REPIN1: variants seen among roughly 807,000 people sequenced by gnomAD.
REPIN1 encodes the protein DNA-binding protein REPIN1.
In REPIN1, 4 loss-of-function variants were observed where a neutral mutation model predicts 5.7. That is an observed-to-expected ratio of 0.71 (90% confidence interval 0.35 to 1.62). The LOEUF is 1.62. REPIN1 is among the 40% of genes most tolerant of loss of function. The probability of loss-of-function intolerance (pLI) is 0.05; values close to 1 mark genes in which losing one functional copy is unlikely to be tolerated. For synonymous variants in REPIN1, 410 were observed against 386.2 expected (o/e 1.06, Z -0.72); for missense variants, 854 against 901.0 (o/e 0.95, Z 0.67).
chr7:150,370,962 T>G (rs1223663724), intron 2 of REPIN1: 4 of 656,046 alleles, frequency 6.1e-6, no homozygotes, highest in African/African-American at 5.3e-5. Flanking sequence ...GTAGCTGCCA[T>G]GAGGGGGATT....
In REPIN1 at chr7:150,372,488, C is replaced by G. The variant is rs766887474; in HGVS notation, c.1418C>G (p.Thr473Arg). 1 of 1,546,240 alleles carries G rather than the reference C, an allele frequency of 6.5e-7. No homozygotes were observed. Reference sequence around the variant, plus strand: ...TGCGGGAAGAACTTCGGCAAGAAGACGCACCTGGTGGCGCACTCGCGCGTG... The same window carrying G: ...TGCGGGAAGAACTTCGGCAAGAAGAGGCACCTGGTGGCGCACTCGCGCGTG... Reference protein sequence around the residue: ...AECGKNFGKKTHLVAHSRVHS... With the variant: ...AECGKNFGKKRHLVAHSRVHS... Residue 473 changes from threonine (T) to arginine (R), a missense_variant, in exon 3 of 3, where the codon ACG becomes AGG. By Grantham distance (71) the Thr-to-Arg change is moderately conservative. Around this residue, in one of 5 missense-constraint regions of REPIN1, gnomAD observed 327 missense variants for 307.8 expected, o/e 1.06. Coordinates refer to ENST00000489432, the MANE Select transcript of REPIN1 (RefSeq NM_001099695.2).
At position 150,372,355 on chromosome 7, in the gene REPIN1, C is replaced by T. The variant is rs767739264; in HGVS notation, c.1285C>T (p.Pro429Ser). The change falls in exon 3 of 3, where the codon CCC (proline) becomes TCC (serine). Residue 429 changes from proline to serine, a missense_variant. By Grantham distance (74) the Pro-to-Ser change is moderately conservative. Coordinates refer to ENST00000489432, the MANE Select transcript of REPIN1 (RefSeq NM_001099695.2). ...EHPQDPIEAP[P>S]SLYSCDDCGR... Reference sequence around the variant, plus strand: ...CCCGCAGGACCCGATCGAAGCCCCCCCCTCCCTCTACAGCTGCGACGACTG... The same window carrying T: ...CCCGCAGGACCCGATCGAAGCCCCCTCCTCCCTCTACAGCTGCGACGACTG... 1.3e-6 allele frequency: 2 copies of T among 1,506,286 alleles called. No individual in the cohort carries two copies. Among genetic ancestry groups the T allele is most frequent in the Non-Finnish European group, 8.8e-7 (1 of 1,135,262 alleles). The allele number at this position is 1,506,286 out of a possible 1,614,324, so 93.3% of individuals were successfully genotyped here.
rs1241577462 is a variant in REPIN1, at chr7:150,372,802, G to T, written c.1732G>T (p.Asp578Tyr). 6 of 1,612,090 alleles carry T rather than the reference G, an allele frequency of 3.7e-6. No individual in the cohort carries two copies. The highest frequency in any genetic ancestry group is 5.1e-6 in the Non-Finnish European group (6 of 1,179,988). The stretch of plus-strand genomic sequence containing the variant: ...GCGGCCCTACGCCTGTCCCGACTGC[G>T]ACCGCAGCTTCAGCCAGAAGTCCAA... ...GERPYACPDC[D>Y]RSFSQKSNLI... The change falls in exon 3 of 3, where the codon GAC becomes TAC. Residue 578 changes from aspartate (D) to tyrosine (Y), a missense_variant. Around this residue, in one of 5 missense-constraint regions of REPIN1, gnomAD observed 101 missense variants for 124.7 expected, o/e 0.81. Coordinates refer to ENST00000489432, the MANE Select transcript of REPIN1 (RefSeq NM_001099695.2).
chr7:150,368,641 C>T (rs1799075651), upstream of REPIN1: 1 of 188,910 alleles, frequency 5.3e-6, no homozygotes, highest in Non-Finnish European at 1.1e-5. Flanking sequence ...GCCTGCCGCC[C>T]TGGCGCGGCA....
At chr7:150,370,263 C>T (rs894583371) in intron 2 of REPIN1, 2 of 247,804 alleles carry the variant, frequency 8.1e-6, no homozygotes, top group East Asian at 9.7e-5. Flanking sequence ...CCTTCTATTG[C>T]CCCAGTAATC....
At position 150,372,085 on chromosome 7, in the gene REPIN1, C is replaced by T. The variant is rs1799850101; in HGVS notation, c.1015C>T (p.His339Tyr). The T allele has an allele frequency of 1.9e-6, 3 of 1,612,288 alleles. No individual in the cohort carries two copies. Among genetic ancestry groups the T allele is most frequent in the African/African-American group, 1.3e-5 (1 of 74,884 alleles). ...TACCAATAAGCCCTATCTGACTTCG[C>T]ACCGGCGCATCCACACCGGCGAGAA... ...RFTNKPYLTS[H>Y]RRIHTGEKPY... Residue 339 changes from histidine to tyrosine, a missense_variant, in exon 3 of 3, where the codon CAC becomes TAC. By Grantham distance (83) the His-to-Tyr change is moderately conservative. This residue lies in a region of REPIN1 where 327 missense variants were observed against 307.8 expected (regional missense o/e 1.06). Coordinates refer to ENST00000489432, the MANE Select transcript of REPIN1 (RefSeq NM_001099695.2).
chr7:150,370,624 G>A (rs1028848697), intron 2 of REPIN1: 5 of 650,966 alleles, frequency 7.7e-6, no homozygotes, highest in South Asian at 3.4e-5. Flanking sequence ...AAACCCAGGC[G>A]CTTTAGAGGA....
intron 1 of REPIN1, chr7:150,369,431 T>C: frequency 2.0e-6 from 1 of 497,636 alleles, no homozygotes; most frequent in Admixed American, 3.2e-5. Flanking sequence ...GAGAATTCGT[T>C]CCGTGACCTT....
Position 150,372,007 on chromosome 7 carries a change from CG to C in REPIN1, c.938del (p.Arg313ProfsTer24). ...RHKPNLIAHR[R>X]VHTGERPHQC... is the part of the protein sequence containing the mutation. ...CAAGCCCAACTTGATCGCTCACCGC[CG>C]CGTGCACACGGGCGAGCGGCCCCAC... On this transcript the variant is annotated frameshift_variant, in exon 3 of 3. Transcript: ENST00000489432. LOFTEE classifies it low-confidence loss of function (END_TRUNC). 1 of 1,611,862 alleles carries C rather than the reference CG, an allele frequency of 6.2e-7. No individual in the cohort carries two copies. The highest frequency in any genetic ancestry group is 8.5e-7 in the Non-Finnish European group (1 of 1,179,672).
Position 150,371,424 on chromosome 7 carries a change from C to T in REPIN1, c.354C>T (p.His118=), listed in dbSNP as rs1334040757. Residue 118 remains histidine, a synonymous_variant, in exon 3 of 3, where the codon CAC becomes CAT. Transcript: ENST00000489432. ...QAPGRAHRCA[H]CRRHFPGWVA... ...CAGGCAGGGCCCATCGCTGTGCCCA[C>T]TGTCGAAGGCACTTCCCTGGCTGGG... 2.5e-6 allele frequency: 4 copies of T among 1,602,546 alleles called. No homozygotes were observed. In the African/African-American group the frequency reaches 5.3e-5, roughly 21 times the overall value.
rs1800045062 is a variant in REPIN1 at position 150,373,021 on chromosome 7, C to T, written c.*76C>T. 6.5e-7 allele frequency: 1 copy of T among 1,544,504 alleles called. No homozygotes were observed. The highest frequency in any genetic ancestry group is 1.4e-5 in the African/African-American group (1 of 72,974). ...TGGGAGTCGCAGTGGGCTGGGGGTG[C>T]CTGCCTAGTGCTGGAGTAGGGGACA... On this transcript the variant is annotated 3_prime_UTR_variant, in exon 3 of 3. Transcript: ENST00000489432.
chr7:150,370,281 C>T (rs528242672), intron 2 of REPIN1: 3 of 247,492 alleles, frequency 1.2e-5, no homozygotes, highest in South Asian at 1.1e-4. Context: ...ATCTCCAGCA[C>T]CCCGAGGGAG....
Position 150,372,189 on chromosome 7 carries a change from A to G in REPIN1, c.1119A>G (p.Arg373=). Residue 373 remains arginine (R), a synonymous_variant, in exon 3 of 3, where the codon CGA becomes CGG. Coordinates refer to ENST00000489432, the MANE Select transcript of REPIN1 (RefSeq NM_001099695.2). ...TGTCTCACAGCAAGATTCACAAGCGATCCGAGGGGTCGGCCCAGGCCGCCC... is the reference window on the plus strand; with the variant it reads ...TGTCTCACAGCAAGATTCACAAGCGGTCCGAGGGGTCGGCCCAGGCCGCCC... ...NLLSHSKIHK[R]SEGSAQAAPG... is the part of the protein sequence containing the mutation. The G allele has an allele frequency of 6.2e-7, 1 of 1,603,252 alleles. No individual in the cohort carries two copies. Among genetic ancestry groups the G allele is most frequent in the Non-Finnish European group, 8.5e-7 (1 of 1,177,278 alleles).
chr7:150,369,003 G>C (rs1248207991), intron 1 of REPIN1, 62 bp downstream of exon 1: 2 of 380,486 alleles, frequency 5.3e-6, no homozygotes, highest in East Asian at 3.8e-5. Flanking sequence ...CCACCTGCGG[G>C]GCGCGTGACC....
In REPIN1 at chr7:150,371,519, G is replaced by A. The variant is rs374153097; in HGVS notation, c.449G>A (p.Arg150His). The A allele has an allele frequency of 4.4e-6, 7 of 1,605,532 alleles. No homozygotes were observed. Among genetic ancestry groups the A allele is most frequent in the South Asian group, 2.2e-5 (2 of 90,994 alleles). ...LPLPCPECGR[R>H]FRHAPFLALH... is the part of the protein sequence containing the mutation. ...TTGCCCTGCCCTGAGTGTGGCCGTC[G>A]CTTTCGCCATGCCCCCTTCTTAGCA... Residue 150 changes from arginine (R) to histidine (H), a missense_variant, in exon 3 of 3, where the codon CGC becomes CAC. Physicochemically the swap from Arg to His is conservative, Grantham distance 29 (BLOSUM62 0). Coordinates refer to ENST00000489432, the MANE Select transcript of REPIN1 (RefSeq NM_001099695.2).
intron 2 of REPIN1, 42 bp from the exon 3 acceptor site, chr7:150,371,186 A>T (rs1220529616): frequency 6.6e-7 from 1 of 1,509,188 alleles, no homozygotes; most frequent in South Asian, 1.3e-5. Context: ...ACAGGGGCAG[A>T]GTGAGTTGGT....
rs946779412 is a variant in REPIN1, at chr7:150,373,784, C to T, written c.*839C>T. ...CTGAGGGGAAGTTGCTGGTGAGTTT[C>T]CTTTTCTCCATTTCTAGCATATGGA... On this transcript the variant is annotated 3_prime_UTR_variant, in exon 3 of 3. Coordinates refer to ENST00000489432, the MANE Select transcript of REPIN1 (RefSeq NM_001099695.2). 6.0e-6 allele frequency: 1 copy of T among 167,202 alleles called. No individual in the cohort carries two copies. The highest frequency in any genetic ancestry group is 1.5e-5 in the Non-Finnish European group (1 of 68,124). The allele number at this position is 167,202 out of a possible 1,614,324, so 10.4% of individuals were successfully genotyped here.
chr7:150,369,353 A>T (rs576337297), intron 1 of REPIN1: 38 of 383,240 alleles, frequency 9.9e-5, no homozygotes, highest in Middle Eastern at 7.5e-4. Context: ...GCCAGCAGGG[A>T]TTCCAGAGTT....
chr7:150,370,065 G>A, intron 2 of REPIN1, 197 bp downstream of exon 2: 1 of 643,080 alleles, frequency 1.6e-6, no homozygotes, highest in South Asian at 2.6e-5. Context: ...GGATGTGTCT[G>A]GAGCTTGTGA....
Sources: allele counts gnomAD v4.1 joint callset, GRCh38; gene constraint gnomAD v4.1.1; regional missense constraint gnomAD v4.1.1; transcripts MANE v1.5; gene names NCBI Gene and HGNC (gene_info 2026-07-23, HGNC 2026-07-21).